PARP12: variants seen among roughly 807,000 people sequenced by gnomAD.
The protein encoded by PARP12 is protein mono-ADP-ribosyltransferase PARP12.
A neutral mutation model predicts 72.4 loss-of-function variants in PARP12; 59 were observed. The ratio of observed to expected loss-of-function variants is 0.81; its 90% CI spans 0.66 to 1.01. The LOEUF (loss-of-function observed/expected upper bound fraction) is 1.01, where lower values mean the gene tolerates loss of function less well. Among genes scored for constraint, PARP12 ranks in the 50% least tolerant of loss-of-function variants. The pLI, the probability that PARP12 is intolerant of heterozygous loss-of-function variation, is 0.00. For missense variants in PARP12, 851 were observed against 914.0 expected (o/e 0.93, Z 0.89); for synonymous variants, 403 against 371.4 (o/e 1.09, Z -0.98).
At chr7:140,044,007 A>C (rs1816607235) in intron 5 of PARP12, among the ~76,000 whole-genome samples, 1 of 152,230 alleles carries the variant, frequency 6.6e-6, no homozygotes. Context: ...TAAAGTGAGA[A>C]GACTTCACCA....
chr7:140,057,527 G>A (rs1817238030), intron 2 of PARP12: 2 of 351,888 alleles, frequency 5.7e-6, no homozygotes, highest in South Asian at 5.4e-5. Flanking sequence ...CCAAGCCCCA[G>A]TTTTCTCTGA....
At position 140,062,691 on chromosome 7, in the gene PARP12, C is replaced by T. The variant is rs998305027; in HGVS notation, c.157G>A (p.Val53Met). 1 of 1,303,042 alleles carries T rather than the reference C, an allele frequency of 7.7e-7. No individual in the cohort carries two copies. The highest frequency in any genetic ancestry group is 9.8e-7 in the Non-Finnish European group (1 of 1,023,170). The allele number at this position is 1,303,042 out of a possible 1,614,324, so 80.7% of individuals were successfully genotyped here. Residue 53 changes from valine (V) to methionine (M), a missense_variant, in exon 1 of 12, where the codon GTG (valine) becomes ATG (methionine). Val to Met is a conservative substitution (Grantham distance 21, BLOSUM62 1). Coordinates refer to ENST00000263549, the MANE Select transcript of PARP12 (RefSeq NM_022750.4). ...LRQRGRFVVAVRAGGAAAAPE... is the reference protein window; with the variant it reads ...LRQRGRFVVAMRAGGAAAAPE... Reference sequence around the variant, plus strand: ...GCCGCGGCTGCGCCGCCCGCCCGCACCGCCACCACGAAGCGCCCACGCTGC... The same window carrying T: ...GCCGCGGCTGCGCCGCCCGCCCGCATCGCCACCACGAAGCGCCCACGCTGC...
chr7:140,041,619 T>G (rs777663258), intron 6 of PARP12, 25 bp downstream of exon 6: 196 of 1,602,750 alleles, frequency 1.2e-4, no homozygotes, highest in Non-Finnish European at 1.6e-4. Context: ...GGACAAAACA[T>G]TCACCCTCTT....
chr7:140,061,355 C>T (rs1331491977), intron 1 of PARP12, among the ~76,000 whole-genome samples: 1 of 152,222 alleles, frequency 6.6e-6, no homozygotes, highest in African/African-American at 2.4e-5. Flanking sequence ...GTCAGTCAGC[C>T]TGCATCCCTG....
At chr7:140,061,202 T>G (rs12703517) in intron 1 of PARP12, among the ~76,000 whole-genome samples, 8,375 of 152,260 alleles carry the variant, frequency 0.055, 286 homozygotes, top group South Asian at 0.12. Flanking sequence ...TTCTGGTCAA[T>G]GGGATGTGGG....
At chr7:140,036,028 G>A (rs572539698) in intron 7 of PARP12, among the ~76,000 whole-genome samples, 3 of 89,334 alleles carry the variant, frequency 3.4e-5, no homozygotes, top group Non-Finnish European at 6.4e-5. Context: ...AGAAGGAGGA[G>A]AAGGAGGAGA....
rs1340783749 is a variant in PARP12, at chr7:140,035,912, GACAAGGAGGAGGACA to G, written c.1325-1596_1325-1582del. On this transcript the variant is annotated intron_variant, in intron 7 of 11. Coordinates refer to ENST00000263549, the MANE Select transcript of PARP12 (RefSeq NM_022750.4). Reference sequence around the variant, plus strand: ...GGAAGAGGAGGAGGACGAGGAGGAGGACAAGGAGGAGGACAAGGAGGAGGAGGAGGAGGAGGAGGA... The same window carrying G: ...GGAAGAGGAGGAGGACGAGGAGGAGGAGGAGGAGGAGGAGGAGGAGGAGGA... 1.4e-4 allele frequency among the ~76,000 whole-genome samples: 14 copies of G among 99,352 alleles called. 3 individuals are homozygous for G. The highest frequency in any genetic ancestry group is 5.2e-4 in the African/African-American group (11 of 21,020). The allele number at this position is 99,352 out of a possible 152,430, so 65.2% of individuals were successfully genotyped here.
intron 8 of PARP12, among the ~76,000 whole-genome samples, chr7:140,032,750 G>A (rs1484998602): frequency 6.6e-6 from 1 of 152,004 alleles, no homozygotes; most frequent in Admixed American, 6.5e-5. Context: ...TGTGCAAGAA[G>A]AAAATACTTT....
At chr7:140,027,484 A>AT in intron 9 of PARP12, 78 bp from the exon 10 acceptor site, 1 of 1,549,952 alleles carries the variant, frequency 6.5e-7, no homozygotes, top group Non-Finnish European at 8.8e-7. Context: ...AGCTTCTTGT[A>AT]AACACTAGAA....
intron 5 of PARP12, among the ~76,000 whole-genome samples, chr7:140,046,346 A>C (rs1227723832): frequency 6.6e-6 from 1 of 152,246 alleles, no homozygotes; most frequent in Non-Finnish European, 1.5e-5. Context: ...TCTGAAAAGA[A>C]GGCTATCCGG....
At position 140,058,906 on chromosome 7, in the gene PARP12, G is replaced by A. The variant is rs1469152895; in HGVS notation, c.327-872C>T. ...AGGTCGGGAGTTCGAGACTAGCCTG[G>A]CCAACATGAAGAAAACCTGTATCTA... On this transcript the variant is annotated intron_variant, in intron 1 of 11. Transcript: ENST00000263549. 5.3e-5 allele frequency among the ~76,000 whole-genome samples: 8 copies of A among 151,936 alleles called. No homozygotes were observed. The East Asian group carries it at 1.4e-3, about 26-fold the overall frequency.
At chr7:140,031,729 A>C (rs1320945290) in intron 8 of PARP12, among the ~76,000 whole-genome samples, 1 of 150,848 alleles carries the variant, frequency 6.6e-6, no homozygotes, top group Non-Finnish European at 1.5e-5. Flanking sequence ...CTAAAAACTA[A>C]ATTAGAATAA....
At chr7:140,058,704 T>C (rs1452957031) in intron 1 of PARP12, among the ~76,000 whole-genome samples, 2 of 152,172 alleles carry the variant, frequency 1.3e-5, no homozygotes, top group African/African-American at 2.4e-5. Context: ...TATGGTACTT[T>C]GTTATGGCAG....
intron 8 of PARP12, chr7:140,033,850 A>G: frequency 2.0e-6 from 2 of 988,968 alleles, no homozygotes; most frequent in African/African-American, 1.7e-5. Context: ...ACTAAAATAC[A>G]TGAGTTTTTA....
intron 11 of PARP12, chr7:140,025,476 T>C (rs1815702205): frequency 2.4e-6 from 1 of 419,140 alleles, no homozygotes; most frequent in African/African-American, 2.1e-5. Context: ...CATGGACTGC[T>C]GGGCAGAAAA....
At position 140,062,547 on chromosome 7, in the gene PARP12, C is replaced by G. The variant is rs758704001; in HGVS notation, c.301G>C (p.Gly101Arg). ...CCGGCTCTCAGGAACTTGCAGGCGC[C>G]GTAGACCATGAACCTGCAGAGGTGG... The part of the protein sequence containing the change: ...QLHLCRFMVY[G>R]ACKFLRAGKN... Residue 101 changes from glycine (G) to arginine (R), a missense_variant, in exon 1 of 12, where the codon GGC becomes CGC. Around this residue, in one of 3 missense-constraint regions of PARP12, gnomAD observed 492 missense variants for 489.3 expected, o/e 1.01. Coordinates refer to ENST00000263549, the MANE Select transcript of PARP12 (RefSeq NM_022750.4). 1.9e-6 allele frequency: 3 copies of G among 1,555,792 alleles called. No individual in the cohort carries two copies. The highest frequency in any genetic ancestry group is 2.6e-6 in the Non-Finnish European group (3 of 1,155,318).
At chr7:140,034,978 T>C (rs1816092343) in intron 7 of PARP12, among the ~76,000 whole-genome samples, 1 of 152,208 alleles carries the variant, frequency 6.6e-6, no homozygotes, top group Admixed American at 6.5e-5. Flanking sequence ...TTTTGCTTTG[T>C]TGCTCAAGTG....
intron 6 of PARP12, among the ~76,000 whole-genome samples, chr7:140,038,602 A>G (rs1301473057): frequency 5.3e-5 from 8 of 152,224 alleles, no homozygotes; most frequent in African/African-American, 1.9e-4. Flanking sequence ...CACTTAGTAC[A>G]GTGCCCAGAA....
chr7:140,042,339 G>T (rs751562365), intron 5 of PARP12, among the ~76,000 whole-genome samples: 1 of 152,246 alleles, frequency 6.6e-6, no homozygotes, highest in African/African-American at 2.4e-5. Context: ...CAAACAGCTA[G>T]TCAGCGGGCG....
Sources: allele counts gnomAD v4.1 joint callset (sites outside exome capture counted in the v4.1 genomes callset), GRCh38; gene constraint gnomAD v4.1.1; regional missense constraint gnomAD v4.1.1; transcripts MANE v1.5; gene names NCBI Gene and HGNC (gene_info 2026-07-23, HGNC 2026-07-21).